Variants in UST observed in about 807,000 individuals in gnomAD.
UST encodes the protein chondroitin sulfate 2-O-sulfotransferase.
UST carries 21 observed loss-of-function variants against 45.6 expected under a neutral mutation model. The observed-to-expected ratio is 0.46, with a 90% CI of 0.33 to 0.66. The LOEUF (loss-of-function observed/expected upper bound fraction) is 0.66, where lower values mean the gene tolerates loss of function less well. Ranked by LOEUF, UST falls within the 30% of genes least tolerant of loss-of-function variation. The pLI, the probability that UST is intolerant of heterozygous loss-of-function variation, is 0.02. For synonymous variants in UST, 215 were observed against 200.6 expected, an observed-to-expected ratio of 1.07 and a Z score of -0.61; for missense variants, 463 against 512.4, an observed-to-expected ratio of 0.90 and a Z score of 0.93.
chr6:149,002,042 T>C (rs558912877), intron 5 of UST, among the ~76,000 whole-genome samples: 1 of 152,202 alleles, frequency 6.6e-6, no homozygotes, highest in African/African-American at 2.4e-5. Context: ...ATTTTTAAAA[T>C]TCTTTGCCCT....
chr6:148,779,136 A>G (rs1776590132), intron 1 of UST, among the ~76,000 whole-genome samples: 1 of 151,544 alleles, frequency 6.6e-6, no homozygotes, highest in Non-Finnish European at 1.5e-5. Context: ...TTCAACCAGA[A>G]AGTACTACCT....
chr6:148,759,181 C>G (rs867575726), intron 1 of UST, among the ~76,000 whole-genome samples: 2 of 152,092 alleles, frequency 1.3e-5, no homozygotes, highest in African/African-American at 4.8e-5. Flanking sequence ...CTTGACTGTC[C>G]CTATGGGAAT....
intron 1 of UST, among the ~76,000 whole-genome samples, chr6:148,778,901 G>A (rs748981583): frequency 1.5e-4 from 23 of 152,092 alleles, no homozygotes; most frequent in Non-Finnish European, 1.9e-4. Flanking sequence ...AATCCAGATT[G>A]CATTGGTTGA....
chr6:149,033,092 G>A (rs1776180169), intron 7 of UST, among the ~76,000 whole-genome samples: 1 of 152,196 alleles, frequency 6.6e-6, no homozygotes, highest in Admixed American at 6.5e-5. Flanking sequence ...CCCAGGGGTT[G>A]ATGGTTGATC....
chr6:149,051,767 C>T (rs1417980251), intron 7 of UST, among the ~76,000 whole-genome samples: 2 of 152,124 alleles, frequency 1.3e-5, no homozygotes, highest in Non-Finnish European at 2.9e-5. Flanking sequence ...CAAAACTTTA[C>T]TTTTCTTCCT....
At chr6:149,065,531 CCTGGTTATGGTGCAGTA>C (rs1202730480) in intron 7 of UST, among the ~76,000 whole-genome samples, 1 of 152,036 alleles carries the variant, frequency 6.6e-6, no homozygotes, top group Non-Finnish European at 1.5e-5. Flanking sequence ...TGAAAGCTGC[CCTGGTTATGGTGCAGTA>C]CTTAAAGTTA....
At chr6:148,751,703 A>AAGCTTGGAGAC (rs1209090477) in intron 1 of UST, among the ~76,000 whole-genome samples, 2 of 152,186 alleles carry the variant, frequency 1.3e-5, no homozygotes. Flanking sequence ...TGCTACACTT[A>AAGCTTGGAGAC]AGCTTGGAGA....
chr6:148,964,654 T>G, intron 5 of UST, 91 bp downstream of exon 5: 21 of 1,528,906 alleles, frequency 1.4e-5, no homozygotes, highest in Non-Finnish European at 1.9e-5. Flanking sequence ...TTCCCAGGCC[T>G]TCTCCTTGGC....
chr6:148,937,894 G>C (rs1211436749), intron 2 of UST, among the ~76,000 whole-genome samples: 2 of 152,176 alleles, frequency 1.3e-5, no homozygotes, highest in African/African-American at 4.8e-5. Context: ...GGTTGTAATG[G>C]AAACTCCAAC....
At chr6:148,920,959 G>A (rs9322158) in intron 2 of UST, among the ~76,000 whole-genome samples, 27,769 of 152,166 alleles carry the variant, frequency 0.18, 2,580 homozygotes, top group Middle Eastern at 0.27. Flanking sequence ...GCCTCTACCA[G>A]CGAGTGTTAT....
chr6:148,841,121 AAAG>A (rs1777880121), intron 1 of UST, among the ~76,000 whole-genome samples: 1 of 152,088 alleles, frequency 6.6e-6, no homozygotes, highest in Non-Finnish European at 1.5e-5. Flanking sequence ...GATTAAAAAA[AAAG>A]ACTAGTAAGA....
chr6:148,899,672 T>A (rs140588384), intron 2 of UST, among the ~76,000 whole-genome samples: 178 of 152,368 alleles, frequency 1.2e-3, no homozygotes, highest in African/African-American at 4.2e-3. Flanking sequence ...AAGTCGTGCA[T>A]GCACGTAACA....
At chr6:148,964,664 C>A in intron 5 of UST, 101 bp downstream of exon 5, 2 of 1,469,530 alleles carry the variant, frequency 1.4e-6, no homozygotes, top group Non-Finnish European at 1.8e-6. Flanking sequence ...TTCTCCTTGG[C>A]GCCTCCATGG....
intron 3 of UST, among the ~76,000 whole-genome samples, chr6:148,948,941 G>T (rs996358476): frequency 7.2e-5 from 11 of 152,108 alleles, no homozygotes; most frequent in African/African-American, 2.4e-4. Flanking sequence ...AAGGCTTTAA[G>T]CAACCAATGC....
intron 3 of UST, among the ~76,000 whole-genome samples, chr6:148,952,429 C>T (rs975718183): frequency 2.0e-5 from 3 of 152,160 alleles, no homozygotes; most frequent in Admixed American, 6.5e-5. Context: ...TTATGAACTG[C>T]GAGTCATTTA....
rs1456613734 is a variant in UST, at chr6:148,953,982, C to T, written c.527+31C>T. On this transcript the variant is annotated intron_variant, in intron 4 of 7. Coordinates refer to ENST00000367463, the MANE Select transcript of UST (RefSeq NM_005715.3). ...ACATTTTCCAGTTTAATGGTTCTTT[C>T]ATTTTCTTCTAATGAACAGTTACTT... 4 of 1,527,786 alleles carry T rather than the reference C, an allele frequency of 2.6e-6. No homozygotes were observed. In the South Asian group the frequency reaches 4.8e-5, roughly 18 times the overall value. 94.6% of individuals were successfully genotyped at this position (1,527,786 alleles called of 1,614,324 possible). A position where few individuals can be genotyped will look rare whatever the true frequency, so the allele number is the denominator to read the frequency against.
At chr6:148,819,323 C>G (rs949871065) in intron 1 of UST, among the ~76,000 whole-genome samples, 1 of 152,160 alleles carries the variant, frequency 6.6e-6, no homozygotes, top group Admixed American at 6.5e-5. Flanking sequence ...TTTATGCTTT[C>G]TCATTACTCA....
At chr6:148,966,567 A>G (rs2500513) in intron 5 of UST, among the ~76,000 whole-genome samples, 119,717 of 152,164 alleles carry the variant, frequency 0.79, 47,392 homozygotes, top group African/African-American at 0.88. Flanking sequence ...TGTAAGAGTT[A>G]AGAGGAATGC....
At chr6:148,835,013 T>A (rs1431549344) in intron 1 of UST, among the ~76,000 whole-genome samples, 1 of 152,198 alleles carries the variant, frequency 6.6e-6, no homozygotes, top group Non-Finnish European at 1.5e-5. Context: ...GAAAACTTTT[T>A]ATTGAATTAA....
Sources: gnomAD v4.1 joint callset for allele counts (sites outside exome capture counted in the v4.1 genomes callset) on GRCh38, gnomAD v4.1.1 for gene constraint, MANE v1.5 for transcripts, NCBI Gene and HGNC (gene_info 2026-07-23, HGNC 2026-07-21) for gene names.